Variants in SIK3 observed in about 807,000 individuals in gnomAD.
SIK3 encodes serine/threonine-protein kinase SIK3.
SIK3 carries 28 observed loss-of-function variants against 144.2 expected under a neutral mutation model. The observed-to-expected ratio is 0.19, with a 90% CI of 0.14 to 0.27. The LOEUF (loss-of-function observed/expected upper bound fraction) is 0.27. SIK3 is among the 10% of genes least tolerant of loss of function. The pLI, the probability that SIK3 is intolerant of heterozygous loss-of-function variation, is 1.00. For synonymous variants in SIK3, 686 were observed against 676.3 expected, an observed-to-expected ratio of 1.01 and a Z score of -0.22; for missense variants, 1,319 against 1,776.0, an observed-to-expected ratio of 0.74 and a Z score of 4.62.
At chr11:116,922,782 A>T (rs748082318) in intron 4 of SIK3, among the ~76,000 whole-genome samples, 1 of 152,220 alleles carries the variant, frequency 6.6e-6, no homozygotes, top group Non-Finnish European at 1.5e-5. Context: ...AATGGCATAC[A>T]GAAAACATGA....
intron 1 of SIK3, among the ~76,000 whole-genome samples, chr11:117,018,080 A>G (rs1265008508): frequency 1.3e-5 from 2 of 152,176 alleles, no homozygotes. Flanking sequence ...AGGAAACCCC[A>G]GATAATGTGA....
At chr11:116,986,891 T>C (rs1950342120) in intron 1 of SIK3, among the ~76,000 whole-genome samples, 1 of 151,904 alleles carries the variant, frequency 6.6e-6, no homozygotes, top group African/African-American at 2.4e-5. Context: ...AAGACAAAAA[T>C]GAAAAAGCTA....
At chr11:116,972,939 G>A (rs1949815650) in intron 1 of SIK3, among the ~76,000 whole-genome samples, 1 of 152,088 alleles carries the variant, frequency 6.6e-6, no homozygotes, top group Admixed American at 6.6e-5. Context: ...AGGAACTGTG[G>A]GTGGCATCAA....
At chr11:116,884,941 A>G (rs1217845094) in intron 6 of SIK3, among the ~76,000 whole-genome samples, 1 of 152,240 alleles carries the variant, frequency 6.6e-6, no homozygotes, top group Non-Finnish European at 1.5e-5. Context: ...TCATGTTTTG[A>G]AACATTTATT....
chr11:117,079,105 A>C (rs1033567262), intron 1 of SIK3, among the ~76,000 whole-genome samples: 6 of 152,210 alleles, frequency 3.9e-5, no homozygotes, highest in African/African-American at 1.4e-4. Context: ...ATGTTTCCAA[A>C]GGTATAGCAA....
At chr11:116,861,142 G>A (rs1363993028) in intron 19 of SIK3, 132 bp downstream of exon 19, 1 of 699,060 alleles carries the variant, frequency 1.4e-6, no homozygotes, top group African/African-American at 1.9e-5. Flanking sequence ...AAAGCAGCTT[G>A]GCTCTAGAGT....
chr11:116,914,554 A>T (rs1008560120), intron 4 of SIK3, among the ~76,000 whole-genome samples: 1 of 152,172 alleles, frequency 6.6e-6, no homozygotes, highest in Non-Finnish European at 1.5e-5. Context: ...TACAAGGTGA[A>T]CAAGACAGAC....
chr11:117,023,621 A>AAAAAAAATATATATATAT (rs754624841), intron 1 of SIK3, among the ~76,000 whole-genome samples: 2 of 95,418 alleles, frequency 2.1e-5, no homozygotes, highest in African/African-American at 4.3e-5. Context: ...AAAAAAAAAA[A>AAAAAAAATATATATATAT]ATATATATAT....
chr11:117,053,346 A>AG (rs1953351043), intron 1 of SIK3, among the ~76,000 whole-genome samples: 1 of 152,048 alleles, frequency 6.6e-6, no homozygotes, highest in African/African-American at 2.4e-5. Flanking sequence ...TGGAAAAAAA[A>AG]AAAAAAAGTA....
At chr11:116,947,152 A>T (rs959278753) in intron 3 of SIK3, among the ~76,000 whole-genome samples, 3 of 119,560 alleles carry the variant, frequency 2.5e-5, no homozygotes, top group African/African-American at 7.0e-5. Flanking sequence ...ATTTATATAT[A>T]ATATATTATA....
chr11:117,078,289 A>G (rs779033096), intron 1 of SIK3, among the ~76,000 whole-genome samples: 44 of 152,220 alleles, frequency 2.9e-4, no homozygotes, highest in Non-Finnish European at 4.7e-4. Context: ...TTATTCAGCA[A>G]TGTTATCTGA....
At chr11:116,962,939 T>G (rs61905677) in intron 1 of SIK3, among the ~76,000 whole-genome samples, 24,497 of 151,910 alleles carry the variant, frequency 0.16, 2,108 homozygotes, top group Admixed American at 0.21. Context: ...ATATGTGCCC[T>G]CTTTCTCTTG....
At chr11:116,880,212 G>C (rs1313230430) in intron 6 of SIK3, among the ~76,000 whole-genome samples, 2 of 151,064 alleles carry the variant, frequency 1.3e-5, no homozygotes, top group African/African-American at 4.9e-5. Context: ...TTCCTAATTA[G>C]AAGATATATC....
chr11:116,947,424 G>C (rs1351523405), intron 3 of SIK3, among the ~76,000 whole-genome samples: 1 of 149,756 alleles, frequency 6.7e-6, no homozygotes, highest in African/African-American at 2.5e-5. Flanking sequence ...GCTTTAGAAG[G>C]AAACAGTCAA....
At chr11:116,903,224 A>C (rs1029979512) in intron 4 of SIK3, among the ~76,000 whole-genome samples, 4 of 152,234 alleles carry the variant, frequency 2.6e-5, no homozygotes, top group Admixed American at 1.3e-4. Flanking sequence ...CCTCCTCTTC[A>C]TTCTCTTAGC....
Position 116,849,533 on chromosome 11 carries a change from G to A in SIK3, c.3656-250C>T, listed in dbSNP as rs892427570. Among the ~76,000 whole-genome samples, 12 of 152,114 alleles carry A rather than the reference G, an allele frequency of 7.9e-5. No homozygotes were observed. Among genetic ancestry groups the A allele is most frequent in the Non-Finnish European group, 1.3e-4 (9 of 68,020 alleles). ...TAACAGGGCATGGCTGGACCCCACC[G>A]AACCTTCTCTTCTTTCATTTCTCTG... On this transcript the variant is annotated intron_variant, in intron 21 of 24. Transcript: ENST00000445177. The surrounding 1 kb of genome is among the most constrained non-coding windows in gnomAD (Gnocchi z 4.2).
chr11:116,975,220 A>G (rs1009403742), intron 1 of SIK3, among the ~76,000 whole-genome samples: 1 of 139,518 alleles, frequency 7.2e-6, no homozygotes, highest in Non-Finnish European at 1.5e-5. Flanking sequence ...ATATTCACAT[A>G]CCATGCAATT....
Position 116,849,005 on chromosome 11 carries a change from G to A in SIK3, c.3819+115C>T. 8.4e-7 allele frequency: 1 copy of A among 1,195,890 alleles called. No homozygotes were observed. Among genetic ancestry groups the A allele is most frequent in the Non-Finnish European group, 1.1e-6 (1 of 882,448 alleles). The allele number at this position is 1,195,890 out of a possible 1,614,324, so 74.1% of individuals were successfully genotyped here. A position where few individuals can be genotyped will look rare whatever the true frequency, so the allele number is the denominator to read the frequency against. Reference sequence around the variant, plus strand: ...AAATGCTCCCCACCGTTTCCAGAAAGGCTGAATGCTGACTGAGGAGAGCGG... The same window carrying A: ...AAATGCTCCCCACCGTTTCCAGAAAAGCTGAATGCTGACTGAGGAGAGCGG... On this transcript the variant is annotated intron_variant, in intron 22 of 24. Coordinates refer to ENST00000445177, the MANE Select transcript of SIK3 (RefSeq NM_001366686.3). This position sits in a 1 kb window ranked among gnomAD's most constrained non-coding sequence, Gnocchi z 4.2.
intron 1 of SIK3, among the ~76,000 whole-genome samples, chr11:117,041,040 G>T (rs1952720914): frequency 7.0e-6 from 1 of 142,764 alleles, no homozygotes; most frequent in Non-Finnish European, 1.5e-5. Context: ...TAGCCCTCAT[G>T]TTATACATTG....
Sources: gnomAD v4.1 joint callset for allele counts (sites outside exome capture counted in the v4.1 genomes callset) on GRCh38, gnomAD v4.1.1 for gene constraint, Gnocchi (gnomAD v3.1) non-coding constraint, MANE v1.5 for transcripts, NCBI Gene and HGNC (gene_info 2026-07-23, HGNC 2026-07-21) for gene names.